Variants in CDH13 observed in about 807,000 individuals in gnomAD.
CDH13 encodes the protein cadherin 13, also known as cadherin-13.
A neutral mutation model predicts 63.8 loss-of-function variants in CDH13; 24 were observed. That is an observed-to-expected ratio of 0.38 (90% CI 0.27 to 0.53). The LOEUF (loss-of-function observed/expected upper bound fraction) is 0.53, where lower values mean the gene tolerates loss of function less well. Among genes scored for constraint, CDH13 ranks in the 20% least tolerant of loss-of-function variants. The pLI is 0.85. For synonymous variants in CDH13, 503 were observed against 355.3 expected, an observed-to-expected ratio of 1.42 and a Z score of -4.67; for missense variants, 1,049 against 903.1, an observed-to-expected ratio of 1.16 and a Z score of -2.07.
At chr16:83,668,859 G>A (rs554570784) in intron 8 of CDH13, among the ~76,000 whole-genome samples, 2 of 152,316 alleles carry the variant, frequency 1.3e-5, no homozygotes, top group African/African-American at 2.4e-5. Flanking sequence ...ATGGCAGGTA[G>A]CATTAATTGA....
intron 12 of CDH13, 93 bp downstream of exon 12, chr16:83,780,294 A>G: frequency 1.2e-6 from 1 of 800,400 alleles, no homozygotes; most frequent in Admixed American, 2.6e-5. Flanking sequence ...TCTCTCAAGT[A>G]TTCTCATTTG....
chr16:83,338,989 C>T (rs2090663489), intron 5 of CDH13, among the ~76,000 whole-genome samples: 1 of 152,068 alleles, frequency 6.6e-6, no homozygotes, highest in African/African-American at 2.4e-5. Context: ...ACAAAGACAC[C>T]CTGGAAGCCC....
chr16:83,231,732 A>G (rs2040002657), intron 5 of CDH13, among the ~76,000 whole-genome samples: 1 of 152,114 alleles, frequency 6.6e-6, no homozygotes, highest in Non-Finnish European at 1.5e-5. Flanking sequence ...CCCTCTACAG[A>G]AAAAGCCTGC....
chr16:82,948,830 T>C, intron 2 of CDH13, among the ~76,000 whole-genome samples: 1 of 152,198 alleles, frequency 6.6e-6, no homozygotes, highest in African/African-American at 2.4e-5. Flanking sequence ...AATATGATTG[T>C]AGAGTATTAA....
chr16:83,632,326 AG>A (rs1910858132), intron 8 of CDH13, among the ~76,000 whole-genome samples: 1 of 151,480 alleles, frequency 6.6e-6, no homozygotes, highest in Non-Finnish European at 1.5e-5. Flanking sequence ...TCCATCAGTC[AG>A]CCCCTCTTAG....
chr16:83,660,895 C>G (rs1401748447), intron 8 of CDH13, among the ~76,000 whole-genome samples: 2 of 151,618 alleles, frequency 1.3e-5, no homozygotes, highest in Non-Finnish European at 2.9e-5. Context: ...CTACTAACGT[C>G]CAATGAAATA....
intron 1 of CDH13, among the ~76,000 whole-genome samples, chr16:82,717,668 C>A (rs999104657): frequency 3.3e-5 from 5 of 152,154 alleles, no homozygotes; most frequent in Admixed American, 1.3e-4. Flanking sequence ...CTCTGCCCCC[C>A]TCTTATGAAG....
chr16:82,747,149 C>T (rs1479587996), intron 1 of CDH13, among the ~76,000 whole-genome samples: 2 of 152,004 alleles, frequency 1.3e-5, no homozygotes, highest in African/African-American at 4.8e-5. Flanking sequence ...GTTGTTGTAC[C>T]ATGATGACTG....
intron 4 of CDH13, among the ~76,000 whole-genome samples, chr16:83,174,939 T>A (rs1328621066): frequency 6.6e-6 from 1 of 152,076 alleles, no homozygotes; most frequent in Non-Finnish European, 1.5e-5. Context: ...TTGGGGGAAC[T>A]GCCCCCATGA....
rs78669147 is a variant in CDH13, at chr16:83,387,610, A to T, written c.781+42604A>T. 2.2e-4 allele frequency among the ~76,000 whole-genome samples: 34 copies of T among 152,370 alleles called. No individual in the cohort carries two copies. The East Asian group carries it at 6.2e-3, about 28-fold the overall frequency. ...ATGTAAATGGGATTCATTAAGAGCT[A>T]CAAAATTATCTTCTTGTGTTGCTTT... is the stretch of plus-strand genomic sequence containing the variant. On this transcript the variant is annotated intron_variant, in intron 6 of 13. Transcript: ENST00000567109.
chr16:83,572,085 G>A (rs1478329283), intron 7 of CDH13, among the ~76,000 whole-genome samples: 1 of 152,100 alleles, frequency 6.6e-6, no homozygotes, highest in Non-Finnish European at 1.5e-5. Flanking sequence ...AGGCTGACAT[G>A]TGTTAAGTGA....
chr16:83,181,209 G>T, intron 4 of CDH13: 1 of 445,086 alleles, frequency 2.2e-6, no homozygotes, highest in Non-Finnish European at 4.0e-6. Flanking sequence ...AAGTCATTTA[G>T]TATTAGGGGA....
chr16:83,259,553 G>A (rs949957515), intron 5 of CDH13, among the ~76,000 whole-genome samples: 1 of 152,116 alleles, frequency 6.6e-6, no homozygotes, highest in Non-Finnish European at 1.5e-5. Flanking sequence ...GGAAATGTGC[G>A]ACATAGTACT....
chr16:83,711,195 T>C (rs769970825), intron 10 of CDH13, among the ~76,000 whole-genome samples: 4 of 152,190 alleles, frequency 2.6e-5, no homozygotes, highest in Non-Finnish European at 4.4e-5. Context: ...AGCTATCCCA[T>C]TAGAAAGTCA....
At position 83,385,868 on chromosome 16, in the gene CDH13, C is replaced by T. The variant is rs528478003; in HGVS notation, c.781+40862C>T. On this transcript the variant is annotated intron_variant, in intron 6 of 13. Coordinates refer to ENST00000567109, the MANE Select transcript of CDH13 (RefSeq NM_001257.5). ...AAGAAAAAACTGACAGGCCAATGTA[C>T]TGACTGCTCTCTCACCTGGGTCTGA... 1.2e-4 allele frequency among the ~76,000 whole-genome samples: 19 copies of T among 152,294 alleles called. No homozygotes were observed. The South Asian group carries it at 3.5e-3, about 28-fold the overall frequency.
chr16:83,278,445 G>C (rs945763321), intron 5 of CDH13, among the ~76,000 whole-genome samples: 2 of 152,210 alleles, frequency 1.3e-5, no homozygotes, highest in Non-Finnish European at 2.9e-5. Flanking sequence ...TGAATGGCTT[G>C]GAGGACGTGC....
chr16:83,145,981 G>A (rs922317784), intron 4 of CDH13, among the ~76,000 whole-genome samples: 2 of 152,144 alleles, frequency 1.3e-5, no homozygotes, highest in Non-Finnish European at 2.9e-5. Flanking sequence ...ATTACCTGAG[G>A]TCGGGAGTTC....
At chr16:83,726,723 A>T (rs1327261794) in intron 10 of CDH13, among the ~76,000 whole-genome samples, 1 of 152,128 alleles carries the variant, frequency 6.6e-6, no homozygotes, top group African/African-American at 2.4e-5. Flanking sequence ...CTGTAGTCCC[A>T]GCTACTCGCG....
chr16:83,073,348 T>TGAGAGA (rs1237929475), intron 3 of CDH13, among the ~76,000 whole-genome samples: 4 of 125,890 alleles, frequency 3.2e-5, no homozygotes, highest in African/African-American at 1.0e-4. Flanking sequence ...TGTGTGTGTG[T>TGAGAGA]GTGTGTGAGA....
Sources: allele counts gnomAD v4.1 joint callset (sites outside exome capture counted in the v4.1 genomes callset), GRCh38; gene constraint gnomAD v4.1.1; transcripts MANE v1.5; gene names NCBI Gene and HGNC (gene_info 2026-07-23, HGNC 2026-07-21).